Variants in CFAP20DC observed in about 807,000 individuals in gnomAD.
The protein encoded by CFAP20DC is protein CFAP20DC.
In CFAP20DC, 84 loss-of-function variants were observed where a neutral mutation model predicts 101.7. That is an observed-to-expected ratio of 0.83 (90% CI 0.69 to 0.99). The LOEUF is 0.99. Among genes scored for constraint, CFAP20DC ranks in the 50% least tolerant of loss-of-function variants. The pLI, the probability that CFAP20DC is intolerant of heterozygous loss-of-function variation, is 0.00. For missense variants in CFAP20DC, 1,007 were observed against 970.3 expected, an observed-to-expected ratio of 1.04 and a Z score of -0.50; for synonymous variants, 359 against 351.2, an observed-to-expected ratio of 1.02 and a Z score of -0.25.
intron 5 of CFAP20DC, among the ~76,000 whole-genome samples, chr3:58,933,371 A>G (rs1335100476): frequency 1.3e-5 from 2 of 151,444 alleles, no homozygotes; most frequent in African/African-American, 4.8e-5. Flanking sequence ...AACGAGACAG[A>G]AAGTTAACAA....
At chr3:58,803,159 T>G (rs1430614770) in intron 15 of CFAP20DC, among the ~76,000 whole-genome samples, 3 of 152,214 alleles carry the variant, frequency 2.0e-5, no homozygotes, top group Non-Finnish European at 4.4e-5. Flanking sequence ...GAGGCTCATG[T>G]GGCCACCACA....
chr3:58,935,331 G>C (rs2087391144), intron 5 of CFAP20DC, among the ~76,000 whole-genome samples: 1 of 151,678 alleles, frequency 6.6e-6, no homozygotes, highest in Admixed American at 6.6e-5. Context: ...TCAATATTGT[G>C]AAAATGGCCA....
chr3:58,865,718 T>C (rs1211127156), intron 11 of CFAP20DC, among the ~76,000 whole-genome samples: 2 of 152,234 alleles, frequency 1.3e-5, no homozygotes, highest in East Asian at 1.9e-4. Context: ...ATTATGTATA[T>C]GGATATGTGA....
chr3:59,004,579 CT>C (rs1429552211), intron 4 of CFAP20DC, among the ~76,000 whole-genome samples: 3 of 152,144 alleles, frequency 2.0e-5, no homozygotes, highest in South Asian at 2.1e-4. Flanking sequence ...AAGTTATTAT[CT>C]TTTAAAAAAA....
intron 4 of CFAP20DC, among the ~76,000 whole-genome samples, chr3:59,013,065 C>T (rs1217701418): frequency 6.6e-6 from 1 of 152,142 alleles, no homozygotes; most frequent in African/African-American, 2.4e-5. Context: ...CACCAAAAGA[C>T]AAAGGGCTAA....
At chr3:58,778,941 C>T (rs930826027) in intron 15 of CFAP20DC, among the ~76,000 whole-genome samples, 11 of 152,188 alleles carry the variant, frequency 7.2e-5, no homozygotes, top group African/African-American at 2.4e-4. Flanking sequence ...CCAACCAACA[C>T]CATAGATACA....
rs1014220866 is a variant in CFAP20DC, at chr3:58,760,800, T to A, written c.2238-6937A>T. On this transcript the variant is annotated intron_variant, in intron 15 of 16. Transcript: ENST00000482387. Reference sequence around the variant, plus strand: ...TGCATCTATTGAGATAATCATGTGGTTTTTGTCATTGGTTCTGTTTACATG... The same window carrying A: ...TGCATCTATTGAGATAATCATGTGGATTTTGTCATTGGTTCTGTTTACATG... Among the ~76,000 whole-genome samples, 3 of 152,226 alleles carry A rather than the reference T, an allele frequency of 2.0e-5. No individual in the cohort carries two copies. In the South Asian group the frequency reaches 6.2e-4, roughly 32 times the overall value.
chr3:58,938,760 A>G (rs979144904), intron 4 of CFAP20DC, among the ~76,000 whole-genome samples: 6 of 152,072 alleles, frequency 3.9e-5, no homozygotes, highest in African/African-American at 7.2e-5. Flanking sequence ...ACTACTCTAC[A>G]TATCTTTCAG....
intron 4 of CFAP20DC, among the ~76,000 whole-genome samples, chr3:58,943,263 T>C (rs2088882461): frequency 6.6e-6 from 1 of 152,172 alleles, no homozygotes; most frequent in Non-Finnish European, 1.5e-5. Flanking sequence ...CTGACCCCTG[T>C]GCCTCCTGAC....
At position 58,863,993 on chromosome 3, in the gene CFAP20DC, T is replaced by C. The variant is rs963891944; in HGVS notation, c.1259-101A>G. The C allele has an allele frequency of 1.7e-6, 2 of 1,186,446 alleles. No homozygotes were observed. Among genetic ancestry groups the C allele is most frequent in the African/African-American group, 1.5e-5 (1 of 64,830 alleles). 73.5% of individuals were successfully genotyped at this position (1,186,446 alleles called of 1,614,324 possible). ...TTTAGTTTTTGAGACAGTCTCACTC[T>C]GCCGCCTAGGCTGCAGTGCAGTCAC... is the stretch of plus-strand genomic sequence containing the variant. On this transcript the variant is annotated intron_variant, in intron 11 of 16. Transcript: ENST00000482387. This position sits in a 1 kb window ranked among gnomAD's most constrained non-coding sequence, Gnocchi z 5.9.
rs937412475 is a variant in CFAP20DC at position 59,014,399 on chromosome 3, T to A, written c.278+25158A>T. ...TAAAAAAGATAAGGTGACTGGATAA[T>A]GTTCTACTTTTTAACTAAATATTAA... is the stretch of plus-strand genomic sequence containing the variant. On this transcript the variant is annotated intron_variant, in intron 4 of 16. Coordinates refer to ENST00000482387, the MANE Select transcript of CFAP20DC (RefSeq NM_001394063.1). This position sits in a 1 kb window ranked among gnomAD's most constrained non-coding sequence, Gnocchi z 4.9. Among the ~76,000 whole-genome samples, 1 of 152,188 alleles carries A rather than the reference T, an allele frequency of 6.6e-6. No individual in the cohort carries two copies. The highest frequency in any genetic ancestry group is 2.4e-5 in the African/African-American group (1 of 41,452).
chr3:58,907,787 A>G (rs953055127), intron 6 of CFAP20DC, among the ~76,000 whole-genome samples: 3 of 152,174 alleles, frequency 2.0e-5, no homozygotes, highest in Non-Finnish European at 4.4e-5. Context: ...TTTTACTGAT[A>G]AGGAAGCTGA....
At chr3:58,999,552 C>T (rs1204123311) in intron 4 of CFAP20DC, among the ~76,000 whole-genome samples, 1 of 152,100 alleles carries the variant, frequency 6.6e-6, no homozygotes, top group Non-Finnish European at 1.5e-5. Context: ...ATGATGGTAT[C>T]CAGGCCTGGA....
chr3:58,884,861 A>T, intron 6 of CFAP20DC, 152 bp from the exon 7 acceptor site: 1 of 651,566 alleles, frequency 1.5e-6, no homozygotes. Context: ...CTCATCTGTG[A>T]AATGAGCATG....
rs145800752 is a variant in CFAP20DC at position 58,724,372 on chromosome 3, G to A, written c.198-6744C>T. ...GAAAGCCACAAGAGGTCTCTGAGGA[G>A]GAAAGCCTCCTAATAGCCCTCATGT... On this transcript the variant is annotated intron_variant, in intron 3 of 3. Transcript: ENST00000486145. The surrounding 1 kb of genome is among the most constrained non-coding windows in gnomAD (Gnocchi z 5.6). Among the ~76,000 whole-genome samples the A allele has an allele frequency of 3.3e-5, 5 of 152,258 alleles. No homozygotes were observed. Among genetic ancestry groups the A allele is most frequent in the Non-Finnish European group, 7.4e-5 (5 of 68,024 alleles).
chr3:58,890,193 A>C (rs1576158904), intron 6 of CFAP20DC, among the ~76,000 whole-genome samples: 2 of 116,448 alleles, frequency 1.7e-5, no homozygotes, highest in Admixed American at 9.1e-5. Flanking sequence ...TGACCCCCCC[A>C]CCTCCCTCCC....
Position 58,849,119 on chromosome 3 carries a change from T to A in CFAP20DC, c.1884A>T (p.Leu628=). The A allele has an allele frequency of 6.5e-7, 1 of 1,536,106 alleles. No homozygotes were observed. Among genetic ancestry groups the A allele is most frequent in the East Asian group, 2.4e-5 (1 of 40,906 alleles). Residue 628 remains leucine, a synonymous_variant, in exon 13 of 17, where the codon CTA becomes CTT. Coordinates refer to ENST00000482387, the MANE Select transcript of CFAP20DC (RefSeq NM_001394063.1). ...TPEPVIKAKD[L]SAQQVPASLN... is the part of the protein sequence containing the mutation. ...GTGAAGCTGGCACTTGCTGGGCTGA[T>A]AGATCCTTCGCTTTGATTACGGGCT... is the stretch of plus-strand genomic sequence containing the variant.
intron 4 of CFAP20DC, among the ~76,000 whole-genome samples, chr3:59,034,926 T>A (rs1206790978): frequency 6.6e-6 from 1 of 152,094 alleles, no homozygotes; most frequent in Non-Finnish European, 1.5e-5. Flanking sequence ...TATTCTAATA[T>A]CAACCACATA....
chr3:58,818,199 A>C (rs1270849371), intron 14 of CFAP20DC, among the ~76,000 whole-genome samples: 1 of 152,004 alleles, frequency 6.6e-6, no homozygotes, highest in African/African-American at 2.4e-5. Flanking sequence ...CCAAAATGTA[A>C]AGACCATCGA....
Sources: gnomAD v4.1 joint callset for allele counts (sites outside exome capture counted in the v4.1 genomes callset) on GRCh38, gnomAD v4.1.1 for gene constraint, Gnocchi (gnomAD v3.1) non-coding constraint, MANE v1.5 for transcripts, NCBI Gene and HGNC (gene_info 2026-07-23, HGNC 2026-07-21) for gene names.